The following ROBO2 variants were observed in gnomAD, a reference collection of about 807,000 sequenced individuals.
The protein encoded by ROBO2 is roundabout homolog 2.
A neutral mutation model predicts 160.8 loss-of-function variants in ROBO2; 53 were observed. The ratio of observed to expected loss-of-function variants is 0.33; its 90% CI spans 0.26 to 0.41. The LOEUF is 0.41. Ranked by LOEUF, ROBO2 falls within the 10% of genes least tolerant of loss-of-function variation. The probability of loss-of-function intolerance (pLI) is 1.00; values close to 1 mark genes in which losing one functional copy is unlikely to be tolerated. For missense variants in ROBO2, 1,577 were observed against 1,722.4 expected (o/e 0.92, Z 1.49); for synonymous variants, 664 against 611.7 (o/e 1.09, Z -1.26).
chr3:76,722,882 C>T (rs553570179), intron 2 of ROBO2, among the ~76,000 whole-genome samples: 54 of 152,196 alleles, frequency 3.5e-4, no homozygotes, highest in East Asian at 1.2e-3. Flanking sequence ...CTTTTGTCTA[C>T]GATTAATAAA....
Position 76,490,408 on chromosome 3 carries a change from A to T in ROBO2, c.109+552806A>T, listed in dbSNP as rs560056433. 3.9e-5 allele frequency among the ~76,000 whole-genome samples: 6 copies of T among 152,286 alleles called. No homozygotes were observed. In the East Asian group the frequency reaches 1.2e-3, roughly 29 times the overall value. Reference sequence around the variant, plus strand: ...AACCCCAATAGTTCTGATTTTTACAAATCTGTTTGGTTTCCTAGTGTTAGT... The same window carrying T: ...AACCCCAATAGTTCTGATTTTTACATATCTGTTTGGTTTCCTAGTGTTAGT... On this transcript the variant is annotated intron_variant, in intron 2 of 26. Coordinates refer to the ROBO2 transcript ENST00000487694.
chr3:76,030,180 G>C (rs1407158316), intron 2 of ROBO2, among the ~76,000 whole-genome samples: 1 of 152,124 alleles, frequency 6.6e-6, no homozygotes, highest in Admixed American at 6.5e-5. Context: ...AAAAGTGTCT[G>C]TTCATATCCT....
intron 2 of ROBO2, among the ~76,000 whole-genome samples, chr3:76,242,303 G>A (rs971971079): frequency 1.3e-5 from 2 of 152,100 alleles, no homozygotes; most frequent in Non-Finnish European, 2.9e-5. Flanking sequence ...GACCAAATGC[G>A]ACTAGGAGGC....
At chr3:76,979,089 T>C (rs2059959299) in intron 2 of ROBO2, among the ~76,000 whole-genome samples, 2 of 152,042 alleles carry the variant, frequency 1.3e-5, no homozygotes, top group South Asian at 4.1e-4. Flanking sequence ...ACTACAGGTG[T>C]GCAGCACCAC....
chr3:77,040,415 C>G (rs1237407358), exon 1 of ROBO2: 1 of 1,039,452 alleles, frequency 9.6e-7, no homozygotes, highest in African/African-American at 1.7e-5. Flanking sequence ...GTCTTTTCCT[C>G]CCCCTTCATC....
At chr3:77,445,059 G>T (rs1464127255) in intron 2 of ROBO2, among the ~76,000 whole-genome samples, 1 of 152,062 alleles carries the variant, frequency 6.6e-6, no homozygotes, top group African/African-American at 2.4e-5. Flanking sequence ...TGCCACATCC[G>T]TTTGGTGACG....
chr3:76,618,450 AAT>A (rs1239528183), intron 2 of ROBO2, among the ~76,000 whole-genome samples: 2 of 150,064 alleles, frequency 1.3e-5, no homozygotes, highest in African/African-American at 4.9e-5. Context: ...TATATATATA[AAT>A]ATATATATAA....
chr3:77,116,114 A>G (rs2074172633), intron 2 of ROBO2, among the ~76,000 whole-genome samples: 1 of 152,198 alleles, frequency 6.6e-6, no homozygotes, highest in African/African-American at 2.4e-5. Context: ...CTCTTTGTGC[A>G]CCTCCACGAA....
Position 76,605,948 on chromosome 3 carries a change from T to A in ROBO2, c.110-492066T>A, listed in dbSNP as rs143262188. ...AAATAACATCATTGTCTTTCAAGGA[T>A]GCGGTAGACAGGACCCCGTTATTTG... is the stretch of plus-strand genomic sequence containing the variant. On this transcript the variant is annotated intron_variant, in intron 2 of 26. Transcript: ENST00000487694. 5.0e-4 allele frequency among the ~76,000 whole-genome samples: 76 copies of A among 152,256 alleles called. 1 individual carries two copies. Among genetic ancestry groups the A allele is most frequent in the Admixed American group, 2.9e-3 (44 of 15,294 alleles).
chr3:76,273,813 G>T (rs913738867), intron 2 of ROBO2, among the ~76,000 whole-genome samples: 2 of 152,108 alleles, frequency 1.3e-5, no homozygotes, highest in Non-Finnish European at 2.9e-5. Context: ...ACAATTCAAG[G>T]TAGTATTTGG....
intron 3 of ROBO2, 71 bp from the exon 4 acceptor site, chr3:77,481,028 A>G (rs2084627353): frequency 4.5e-6 from 6 of 1,335,054 alleles, no homozygotes; most frequent in Non-Finnish European, 6.5e-6. Context: ...AAAACTATTT[A>G]TTAATGACCT....
At chr3:77,510,513 A>C (rs2153615286) in intron 5 of ROBO2, among the ~76,000 whole-genome samples, 1 of 152,178 alleles carries the variant, frequency 6.6e-6, no homozygotes, top group Admixed American at 6.5e-5. Flanking sequence ...AGATGGAGAC[A>C]ATAATATCAC....
At chr3:76,731,664 A>G (rs2093639749) in intron 2 of ROBO2, among the ~76,000 whole-genome samples, 1 of 152,206 alleles carries the variant, frequency 6.6e-6, no homozygotes, top group African/African-American at 2.4e-5. Flanking sequence ...ATGCAGAAAC[A>G]TAGAAAGAAC....
At chr3:75,913,949 G>A (rs111511856) in intron 1 of ROBO2, among the ~76,000 whole-genome samples, 1 of 152,038 alleles carries the variant, frequency 6.6e-6, no homozygotes, top group East Asian at 1.9e-4. Context: ...AAATTTAATG[G>A]TCATGTCAGC....
At chr3:77,511,505 T>A (rs1020078849) in intron 5 of ROBO2, among the ~76,000 whole-genome samples, 6 of 151,984 alleles carry the variant, frequency 3.9e-5, no homozygotes, top group African/African-American at 1.4e-4. Context: ...AATCAACTAT[T>A]GTCCTGTTGC....
chr3:76,768,705 T>A (rs2061708198), intron 2 of ROBO2, among the ~76,000 whole-genome samples: 1 of 150,842 alleles, frequency 6.6e-6, no homozygotes, highest in Non-Finnish European at 1.5e-5. Flanking sequence ...TATGTTAAAT[T>A]TTAGGCTAGT....
At chr3:77,201,965 AC>A (rs2082953039) in intron 2 of ROBO2, among the ~76,000 whole-genome samples, 1 of 152,192 alleles carries the variant, frequency 6.6e-6, no homozygotes, top group South Asian at 2.1e-4. Context: ...TAAAAATTGT[AC>A]ATTTAGATTA....
chr3:76,841,069 A>C lies in ROBO2; in HGVS notation c.110-256945A>C, dbSNP rs180796464. Among the ~76,000 whole-genome samples, 419 of 152,282 alleles carry C rather than the reference A, an allele frequency of 2.8e-3. 2 individuals are homozygous for C. Among genetic ancestry groups the C allele is most frequent in the Non-Finnish European group, 4.9e-3 (336 of 68,016 alleles). On this transcript the variant is annotated intron_variant, in intron 2 of 26. Coordinates refer to the ROBO2 transcript ENST00000487694. ...GGCGATACACAAGGAAGCAGAGATA[A>C]TTCTCCAAACACAAATAGGAGTGTG...
At chr3:76,313,023 T>G (rs1312051353) in intron 2 of ROBO2, among the ~76,000 whole-genome samples, 2 of 152,228 alleles carry the variant, frequency 1.3e-5, no homozygotes, top group African/African-American at 4.8e-5. Flanking sequence ...TCTAACTAGC[T>G]CAGCTAGAAA....
Sources: allele counts gnomAD v4.1 joint callset (sites outside exome capture counted in the v4.1 genomes callset), GRCh38; gene constraint gnomAD v4.1.1; transcripts MANE v1.5; gene names NCBI Gene and HGNC (gene_info 2026-07-23, HGNC 2026-07-21).